MLPH: variants seen among roughly 807,000 people sequenced by gnomAD.
MLPH encodes the protein exophilin-3.
In MLPH, 51 loss-of-function variants were observed where a neutral mutation model predicts 72.1. That is an observed-to-expected ratio of 0.71 (90% CI 0.56 to 0.89). The LOEUF (loss-of-function observed/expected upper bound fraction) is 0.89. Among genes scored for constraint, MLPH ranks in the 40% least tolerant of loss-of-function variants. The pLI is 0.00. For missense variants in MLPH, 743 were observed against 759.9 expected (o/e 0.98, Z 0.26); for synonymous variants, 301 against 310.1 (o/e 0.97, Z 0.31).
intron 2 of MLPH, among the ~76,000 whole-genome samples, chr2:237,502,396 G>A (rs2079671084): frequency 6.6e-6 from 1 of 152,198 alleles, no homozygotes; most frequent in South Asian, 2.1e-4. Flanking sequence ...ACCTGGGGCT[G>A]TGCACAAAAG....
intron 4 of MLPH, among the ~76,000 whole-genome samples, chr2:237,513,306 G>A (rs924548214): frequency 9.2e-5 from 14 of 152,110 alleles, no homozygotes; most frequent in Non-Finnish European, 1.6e-4. Flanking sequence ...TTCGATGGCC[G>A]ATGGCCAAGA....
intron 12 of MLPH, 60 bp from the exon 13 acceptor site, chr2:237,546,546 C>T: frequency 6.9e-7 from 1 of 1,457,174 alleles, no homozygotes; most frequent in South Asian, 1.1e-5. Flanking sequence ...GACCCATGCC[C>T]ATGCTCCTCC....
rs751649453 is a variant in MLPH at position 237,527,484 on chromosome 2, A to G, written c.988A>G (p.Lys330Glu). The G allele has an allele frequency of 1.2e-6, 2 of 1,614,072 alleles. No individual in the cohort carries two copies. Among genetic ancestry groups the G allele is most frequent in the Non-Finnish European group, 1.7e-6 (2 of 1,180,058 alleles). The change falls in exon 8 of 16, where the codon AAG becomes GAG. Residue 330 changes from lysine to glutamate, a missense_variant. Physicochemically the swap from Lys to Glu is moderately conservative, Grantham distance 56. Transcript: ENST00000264605. ...RAHVMASHHS[K>E]RRGRASSESQ... ...TCACGTGATGGCCTCCCACCATTCCAAGCGGAGAGGCCGGGCGTCTTCTGA... is the reference window on the plus strand; with the variant it reads ...TCACGTGATGGCCTCCCACCATTCCGAGCGGAGAGGCCGGGCGTCTTCTGA...
At chr2:237,549,354 C>A in intron 14 of MLPH, 76 bp downstream of exon 14, 2 of 1,277,682 alleles carry the variant, frequency 1.6e-6, no homozygotes, top group South Asian at 2.4e-5. Flanking sequence ...AGTCGCAGCT[C>A]TGTGTGTTTC....
intron 2 of MLPH, among the ~76,000 whole-genome samples, chr2:237,509,745 A>T (rs530788436): frequency 6.6e-6 from 1 of 152,076 alleles, no homozygotes; most frequent in South Asian, 2.1e-4. Flanking sequence ...TTGCACTTGA[A>T]ACCGGAGGTG....
At chr2:237,551,520 C>T (rs541773223) in intron 14 of MLPH, among the ~76,000 whole-genome samples, 26 of 152,338 alleles carry the variant, frequency 1.7e-4, no homozygotes, top group Non-Finnish European at 3.2e-4. Context: ...AGAAGACATG[C>T]AAAAGTGAAG....
At chr2:237,490,406 T>C (rs544474892) in intron 1 of MLPH, among the ~76,000 whole-genome samples, 7 of 152,262 alleles carry the variant, frequency 4.6e-5, no homozygotes, top group East Asian at 1.9e-4. Context: ...CTCTAGGACA[T>C]TGGTTGTGAT....
intron 5 of MLPH, 38 bp downstream of exon 5, chr2:237,518,686 G>A (rs556645195): frequency 5.2e-5 from 78 of 1,512,864 alleles, no homozygotes; most frequent in South Asian, 3.6e-4. Flanking sequence ...CAGCCACCTC[G>A]ATTCCATCCC....
intron 9 of MLPH, among the ~76,000 whole-genome samples, 153 bp downstream of exon 9, chr2:237,534,800 G>T (rs924813149): frequency 6.6e-6 from 1 of 151,742 alleles, no homozygotes; most frequent in Non-Finnish European, 1.5e-5. Flanking sequence ...GAGCCAGGCA[G>T]TTCCCACCAC....
In MLPH at chr2:237,512,113, G is replaced by A. The variant is rs1219110717; in HGVS notation, c.445+1012G>A. ...GGCCACGAGGCAGCGCCTGGCTCCG[G>A]CAGCTGGGCACGTCCAGGGCAGAGG... On this transcript the variant is annotated intron_variant, in intron 4 of 15. Transcript: ENST00000264605. This position sits in a 1 kb window ranked among gnomAD's most constrained non-coding sequence, Gnocchi z 5.5. 1.3e-5 allele frequency among the ~76,000 whole-genome samples: 2 copies of A among 152,224 alleles called. No individual in the cohort carries two copies. The highest frequency in any genetic ancestry group is 2.4e-5 in the African/African-American group (1 of 41,464).
At chr2:237,500,071 G>A (rs889273487) in intron 2 of MLPH, among the ~76,000 whole-genome samples, 7 of 152,114 alleles carry the variant, frequency 4.6e-5, no homozygotes, top group African/African-American at 7.2e-5. Context: ...AAAAAAATAC[G>A]TAGAAAAATC....
chr2:237,552,464 A>C (rs1345048690), intron 15 of MLPH, 27 bp downstream of exon 15: 1 of 1,586,796 alleles, frequency 6.3e-7, no homozygotes, highest in East Asian at 2.2e-5. Flanking sequence ...TTCTCTGAGG[A>C]GTTTTTAAAG....
At position 237,541,914 on chromosome 2, in the gene MLPH, TG is replaced by T. The variant is rs1262397730; in HGVS notation, c.1447-651del. ...GGGATACTAGGAAAGTAAGCCAGCC[TG>T]GCAAATCCAGGGGGCAGGAGGCCGG... On this transcript the variant is annotated intron_variant, in intron 11 of 15. Coordinates refer to ENST00000264605, the MANE Select transcript of MLPH (RefSeq NM_024101.7). This position sits in a 1 kb window ranked among gnomAD's most constrained non-coding sequence, Gnocchi z 5.1. Among the ~76,000 whole-genome samples, 1 of 152,212 alleles carries T rather than the reference TG, an allele frequency of 6.6e-6. No homozygotes were observed. The highest frequency in any genetic ancestry group is 1.5e-5 in the Non-Finnish European group (1 of 68,022).
chr2:237,535,531 A>G (rs922644066), intron 9 of MLPH, among the ~76,000 whole-genome samples: 1 of 152,068 alleles, frequency 6.6e-6, no homozygotes, highest in Non-Finnish European at 1.5e-5. Flanking sequence ...AGACAGGCAG[A>G]CAGACAGCCG....
Position 237,510,859 on chromosome 2 carries a change from G to A in MLPH, c.332+64G>A. 6.3e-7 allele frequency: 1 copy of A among 1,591,528 alleles called. No individual in the cohort carries two copies. The highest frequency in any genetic ancestry group is 8.6e-7 in the Non-Finnish European group (1 of 1,160,748). On this transcript the variant is annotated intron_variant, in intron 3 of 15. Transcript: ENST00000264605. This position sits in a 1 kb window ranked among gnomAD's most constrained non-coding sequence, Gnocchi z 4.4. ...TCTGGATCTGGCGTGTCCCTTCCAT[G>A]GGGCTAGCTGAAGAAGGGTGGACGC...
intron 7 of MLPH, among the ~76,000 whole-genome samples, chr2:237,527,090 T>A (rs1685951733): frequency 6.6e-6 from 1 of 152,224 alleles, no homozygotes; most frequent in Non-Finnish European, 1.5e-5. Flanking sequence ...TTATTTGCAA[T>A]TTGAAATTGG....
At chr2:237,494,286 G>C (rs13402889) in intron 2 of MLPH, among the ~76,000 whole-genome samples, 2,640 of 152,262 alleles carry the variant, frequency 0.017, 86 homozygotes, top group African/African-American at 0.06. Flanking sequence ...AGGGCAGAGG[G>C]CCCCGCTGAA....
At chr2:237,514,235 C>T (rs1234210704) in intron 4 of MLPH, among the ~76,000 whole-genome samples, 1 of 151,948 alleles carries the variant, frequency 6.6e-6, no homozygotes, top group Non-Finnish European at 1.5e-5. Flanking sequence ...TAAAGTCAAA[C>T]AAGGAAGGTC....
At chr2:237,547,154 G>A (rs1228628782) in intron 13 of MLPH, among the ~76,000 whole-genome samples, 3 of 152,246 alleles carry the variant, frequency 2.0e-5, no homozygotes, top group African/African-American at 7.2e-5. Context: ...CCCTGAACAG[G>A]CACAGCGGGC....
Sources: gnomAD v4.1 joint callset for allele counts (sites outside exome capture counted in the v4.1 genomes callset) on GRCh38, gnomAD v4.1.1 for gene constraint, Gnocchi (gnomAD v3.1) non-coding constraint, MANE v1.5 for transcripts, NCBI Gene and HGNC (gene_info 2026-07-23, HGNC 2026-07-21) for gene names.